The following MAP3K3 variants were observed in gnomAD, a reference collection of about 807,000 sequenced individuals.
MAP3K3 encodes the protein MAP/ERK kinase kinase 3.
In MAP3K3, 12 loss-of-function variants were observed where a neutral mutation model predicts 80.9. That is an observed-to-expected ratio of 0.15 (90% CI 0.10 to 0.24). The LOEUF (loss-of-function observed/expected upper bound fraction) is 0.24. Among genes scored for constraint, MAP3K3 ranks in the 10% least tolerant of loss-of-function variants. The probability of loss-of-function intolerance (pLI) is 1.00; values close to 1 mark genes in which losing one functional copy is unlikely to be tolerated. For missense variants in MAP3K3, 596 were observed against 834.7 expected, an observed-to-expected ratio of 0.71 and a Z score of 3.52; for synonymous variants, 272 against 307.1, an observed-to-expected ratio of 0.89 and a Z score of 1.19.
At position 63,690,357 on chromosome 17, in the gene MAP3K3, G is replaced by A. The variant is rs1379366668; in HGVS notation, c.1157G>A (p.Arg386His). Residue 386 changes from arginine (R) to histidine (H), a missense_variant, in exon 12 of 16, where the codon CGT (arginine) becomes CAT (histidine). Coordinates refer to ENST00000361733, the MANE Select transcript of MAP3K3 (RefSeq NM_002401.5). ...TTGTGCTATGACGTGGACACGGGACGTGAACTTGCTTCCAAGCAGGTCCAA... is the reference window on the plus strand; with the variant it reads ...TTGTGCTATGACGTGGACACGGGACATGAACTTGCTTCCAAGCAGGTCCAA... Reference protein sequence around the residue: ...VYLCYDVDTGRELASKQVQFD... With the variant: ...VYLCYDVDTGHELASKQVQFD... The A allele has an allele frequency of 3.1e-6, 5 of 1,614,198 alleles. No individual in the cohort carries two copies. The highest frequency in any genetic ancestry group is 2.2e-5 in the East Asian group (1 of 44,882).
At chr17:63,643,224 G>T (rs1057495879) in intron 2 of MAP3K3, among the ~76,000 whole-genome samples, 1 of 151,884 alleles carries the variant, frequency 6.6e-6, no homozygotes, top group Non-Finnish European at 1.5e-5. Context: ...GGGGAAACTG[G>T]CTGGGTGTGG....
chr17:63,622,969 C>T (rs2034022380), intron 1 of MAP3K3, among the ~76,000 whole-genome samples: 1 of 148,174 alleles, frequency 6.7e-6, no homozygotes, highest in African/African-American at 2.4e-5. Flanking sequence ...GCGGCCCGGC[C>T]GGCAGAGCCC....
At chr17:63,639,376 G>A (rs2034397205) in intron 2 of MAP3K3, among the ~76,000 whole-genome samples, 1 of 152,222 alleles carries the variant, frequency 6.6e-6, no homozygotes, top group Non-Finnish European at 1.5e-5. Flanking sequence ...GCTTTGATCT[G>A]GCTTTAAAGG....
intron 2 of MAP3K3, chr17:63,636,795 G>A: frequency 6.1e-6 from 2 of 326,758 alleles, no homozygotes; most frequent in South Asian, 4.6e-5. Context: ...GGCTGTGGGA[G>A]AAGTGGCTGA....
chr17:63,660,349 G>A (rs537979040), intron 5 of MAP3K3, among the ~76,000 whole-genome samples: 3 of 151,572 alleles, frequency 2.0e-5, no homozygotes, highest in African/African-American at 4.8e-5. Context: ...GACTACAGGC[G>A]TGTGCCCCCA....
chr17:63,635,320 A>C (rs1317293444), intron 2 of MAP3K3, among the ~76,000 whole-genome samples: 1 of 152,212 alleles, frequency 6.6e-6, no homozygotes, highest in Non-Finnish European at 1.5e-5. Flanking sequence ...AATAATGGGA[A>C]TCCTACCTAA....
At chr17:63,687,612 C>T (rs2035483490) in intron 8 of MAP3K3, among the ~76,000 whole-genome samples, 1 of 151,728 alleles carries the variant, frequency 6.6e-6, no homozygotes. Context: ...ATAGCTTGAA[C>T]CCAGGAGGTG....
intron 7 of MAP3K3, among the ~76,000 whole-genome samples, chr17:63,684,168 C>T (rs897276081): frequency 2.0e-5 from 3 of 152,142 alleles, no homozygotes; most frequent in Non-Finnish European, 4.4e-5. Context: ...AAAATGCTAG[C>T]ACAATGTAAC....
At chr17:63,641,987 CAA>C (rs2034452530) in intron 2 of MAP3K3, among the ~76,000 whole-genome samples, 1 of 152,168 alleles carries the variant, frequency 6.6e-6, no homozygotes, top group Non-Finnish European at 1.5e-5. Context: ...TCAGAGAGGA[CAA>C]GAAGAATGGC....
At chr17:63,629,839 C>A (rs142652941) in intron 1 of MAP3K3, among the ~76,000 whole-genome samples, 1 of 152,178 alleles carries the variant, frequency 6.6e-6, no homozygotes, top group Non-Finnish European at 1.5e-5. Flanking sequence ...TAAGTAATGC[C>A]AGGAATTGGT....
chr17:63,687,210 G>GGA (rs370737338), intron 8 of MAP3K3, among the ~76,000 whole-genome samples: 2 of 130,396 alleles, frequency 1.5e-5, no homozygotes, highest in African/African-American at 5.6e-5. Flanking sequence ...TACTAAAAAT[G>GGA]AAAAAAAAAA....
At chr17:63,673,772 A>T (rs1404345319) in intron 6 of MAP3K3, among the ~76,000 whole-genome samples, 1 of 152,148 alleles carries the variant, frequency 6.6e-6, no homozygotes, top group Non-Finnish European at 1.5e-5. Context: ...TTAGCCAGGT[A>T]TGATGGCAGG....
At position 63,692,340 on chromosome 17, in the gene MAP3K3, C is replaced by T. The variant is rs368376876; in HGVS notation, c.1573C>T (p.Arg525Cys). 4.8e-5 allele frequency: 77 copies of T among 1,613,776 alleles called. No individual in the cohort carries two copies. The highest frequency in any genetic ancestry group is 6.3e-5 in the Non-Finnish European group (74 of 1,179,992). ...GATCTGTATGTCGGGGACGGGCATG[C>T]GCTCCGTCACTGGCACACCCTACTG... ...QTICMSGTGMRSVTGTPYWMS... is the reference protein window; with the variant it reads ...QTICMSGTGMCSVTGTPYWMS... Residue 525 changes from arginine to cysteine, a missense_variant, in exon 15 of 16, where the codon CGC becomes TGC. By Grantham distance (180) the Arg-to-Cys change is radical. Around this residue, in one of 2 missense-constraint regions of MAP3K3, gnomAD observed 364 missense variants for 588.9 expected, o/e 0.62. Transcript: ENST00000361733. This position sits in a 1 kb window ranked among gnomAD's most constrained non-coding sequence, Gnocchi z 4.5.
At chr17:63,690,235 A>C in intron 11 of MAP3K3, 29 bp from the exon 12 acceptor site, 2 of 1,605,972 alleles carry the variant, frequency 1.2e-6, no homozygotes, top group Non-Finnish European at 1.7e-6. Flanking sequence ...ATGTACACAA[A>C]GTAACTCTTT....
chr17:63,655,586 G>T (rs2034750083), intron 4 of MAP3K3, among the ~76,000 whole-genome samples: 1 of 152,130 alleles, frequency 6.6e-6, no homozygotes, highest in South Asian at 2.1e-4. Flanking sequence ...GACATCCTGG[G>T]TTCAAGTGAT....
chr17:63,645,963 G>C (rs948635882), intron 2 of MAP3K3, 71 bp from the exon 3 acceptor site: 10 of 1,265,910 alleles, frequency 7.9e-6, no homozygotes, highest in Non-Finnish European at 1.2e-5. Context: ...ACTGCCCAAG[G>C]CTTACTTGGC....
chr17:63,651,486 CAAAA>C (rs973449068), intron 3 of MAP3K3, among the ~76,000 whole-genome samples: 3 of 151,882 alleles, frequency 2.0e-5, no homozygotes, highest in Non-Finnish European at 4.4e-5. Context: ...AACAAACAAA[CAAAA>C]AAACCCCACA....
intron 5 of MAP3K3, among the ~76,000 whole-genome samples, chr17:63,658,734 CTTTTT>C (rs55818509): frequency 1.6e-4 from 22 of 138,122 alleles, no homozygotes; most frequent in Middle Eastern, 3.8e-3. Context: ...CATTTCTTTT[CTTTTT>C]TTTTTTTTTT....
rs373837691 is a variant in MAP3K3 at position 63,691,445 on chromosome 17, T to A, written c.1344+212T>A. Among the ~76,000 whole-genome samples the A allele has an allele frequency of 7.9e-4, 120 of 152,230 alleles. 2 individuals are homozygous for A. In the South Asian group the frequency reaches 0.024, roughly 31 times the overall value. The stretch of plus-strand genomic sequence containing the variant: ...AGTATGAGATGACAGCTGTCCTAGG[T>A]CCAGCACTCCCCTGAGGCATGCAGG... On this transcript the variant is annotated intron_variant, in intron 13 of 15. Transcript: ENST00000361733. This position sits in a 1 kb window ranked among gnomAD's most constrained non-coding sequence, Gnocchi z 4.8.
Sources: gnomAD v4.1 joint callset for allele counts (sites outside exome capture counted in the v4.1 genomes callset) on GRCh38, gnomAD v4.1.1 for gene constraint, gnomAD v4.1.1 regional missense constraint, Gnocchi (gnomAD v3.1) non-coding constraint, MANE v1.5 for transcripts, NCBI Gene and HGNC (gene_info 2026-07-23, HGNC 2026-07-21) for gene names.